The following NLK variants were observed in gnomAD, a reference collection of about 807,000 sequenced individuals.
NLK encodes the protein nemo like kinase.
In NLK, 11 loss-of-function variants were observed where a neutral mutation model predicts 59.0. The observed-to-expected ratio is 0.19, with a 90% confidence interval of 0.12 to 0.31. The LOEUF (loss-of-function observed/expected upper bound fraction) is 0.31. NLK is among the 10% of genes least tolerant of loss of function. The probability of loss-of-function intolerance (pLI) is 1.00; values close to 1 mark genes in which losing one functional copy is unlikely to be tolerated. For missense variants in NLK, 410 were observed against 661.1 expected, an observed-to-expected ratio of 0.62 and a Z score of 4.16; for synonymous variants, 235 against 235.9, an observed-to-expected ratio of 1.00 and a Z score of 0.03.
chr17:28,055,154 G>C (rs147734675), intron 1 of NLK, among the ~76,000 whole-genome samples: 1 of 148,812 alleles, frequency 6.7e-6, no homozygotes, highest in Non-Finnish European at 1.5e-5. Flanking sequence ...GTGCAGTGGC[G>C]TGATCTTGGC....
chr17:28,188,803 G>A (rs1909210033), intron 8 of NLK, among the ~76,000 whole-genome samples: 1 of 152,158 alleles, frequency 6.6e-6, no homozygotes, highest in Non-Finnish European at 1.5e-5. Flanking sequence ...AATTAAATCA[G>A]TGTATTTATT....
chr17:28,073,906 G>A (rs1910089608), intron 1 of NLK, among the ~76,000 whole-genome samples: 1 of 152,102 alleles, frequency 6.6e-6, no homozygotes, highest in African/African-American at 2.4e-5. Context: ...TATGTTCCTA[G>A]CATGTAATAT....
At chr17:28,063,067 G>C (rs1239035717) in intron 1 of NLK, among the ~76,000 whole-genome samples, 1 of 152,058 alleles carries the variant, frequency 6.6e-6, no homozygotes, top group Non-Finnish European at 1.5e-5. Context: ...AAGTAGCTGG[G>C]ACTATAGGCG....
intron 3 of NLK, among the ~76,000 whole-genome samples, chr17:28,155,365 AGT>A (rs1907658881): frequency 6.6e-6 from 1 of 152,234 alleles, no homozygotes; most frequent in Non-Finnish European, 1.5e-5. Flanking sequence ...TGTGGAAGAC[AGT>A]GTGGCGATTC....
intron 1 of NLK, among the ~76,000 whole-genome samples, chr17:28,055,811 A>G (rs1909421504): frequency 6.6e-6 from 1 of 152,212 alleles, no homozygotes; most frequent in South Asian, 2.1e-4. Context: ...CTTTTGTGTG[A>G]TGGTTGACAG....
chr17:28,129,716 C>G (rs1327940988), intron 2 of NLK, among the ~76,000 whole-genome samples: 4 of 151,916 alleles, frequency 2.6e-5, no homozygotes, highest in Non-Finnish European at 5.9e-5. Context: ...TATTCTTATT[C>G]TTGTCTTTGA....
At chr17:28,104,357 C>T (rs1905002605) in intron 1 of NLK, among the ~76,000 whole-genome samples, 1 of 151,932 alleles carries the variant, frequency 6.6e-6, no homozygotes, top group Non-Finnish European at 1.5e-5. Flanking sequence ...CGGGTTCAAG[C>T]GAATTCTCCT....
intron 1 of NLK, among the ~76,000 whole-genome samples, chr17:28,110,955 C>A (rs1905444997): frequency 6.6e-6 from 1 of 150,850 alleles, no homozygotes; most frequent in Non-Finnish European, 1.5e-5. Flanking sequence ...CGCCATTCTC[C>A]TGCCTCAGCC....
At chr17:28,163,714 A>G (rs1908105974) in intron 5 of NLK, 86 bp downstream of exon 5, 1 of 798,188 alleles carries the variant, frequency 1.3e-6, no homozygotes, top group Middle Eastern at 2.5e-4. Context: ...GAAAGAAAGA[A>G]GTTCATTTCC....
chr17:28,144,633 A>G (rs1907164056), intron 3 of NLK, among the ~76,000 whole-genome samples: 2 of 152,240 alleles, frequency 1.3e-5, no homozygotes, highest in African/African-American at 4.8e-5. Context: ...CCTTCTGATT[A>G]TTAACCTCTT....
At chr17:28,143,483 G>C (rs544402872) in intron 3 of NLK, among the ~76,000 whole-genome samples, 4 of 152,180 alleles carry the variant, frequency 2.6e-5, no homozygotes, top group Non-Finnish European at 5.9e-5. Flanking sequence ...AAAAAAGAAT[G>C]ATTAAGTTTC....
Position 28,042,991 on chromosome 17 carries a change from C to T in NLK, c.118C>T (p.Pro40Ser), listed in dbSNP as rs1377209576. The T allele has an allele frequency of 2.6e-6, 4 of 1,557,058 alleles. No homozygotes were observed. The highest frequency in any genetic ancestry group is 3.5e-6 in the Non-Finnish European group (4 of 1,149,822). Residue 40 changes from proline to serine, a missense_variant, in exon 1 of 11, where the codon CCT (proline) becomes TCT (serine). Physicochemically the swap from Pro to Ser is moderately conservative, Grantham distance 74. Coordinates refer to ENST00000407008, the MANE Select transcript of NLK (RefSeq NM_016231.5). Reference sequence around the variant, plus strand: ...TCACCACCACCTTCCACACCTCCCTCCTCCTCACCTGCACCACCACCACCA... The same window carrying T: ...TCACCACCACCTTCCACACCTCCCTTCTCCTCACCTGCACCACCACCACCA... ...HHHHHLPHLP[P>S]PHLHHHHHPQ... is the part of the protein sequence containing the mutation.
chr17:28,088,498 C>A (rs1029892934), intron 1 of NLK, among the ~76,000 whole-genome samples: 16 of 152,054 alleles, frequency 1.1e-4, no homozygotes, highest in African/African-American at 3.9e-4. Context: ...TTGCTTTATT[C>A]ATTTTCAAAA....
chr17:28,124,068 A>G (rs922521293), intron 2 of NLK, among the ~76,000 whole-genome samples: 1 of 152,246 alleles, frequency 6.6e-6, no homozygotes, highest in Non-Finnish European at 1.5e-5. Flanking sequence ...AACTGGGAGT[A>G]CTAAACTTAC....
intron 10 of NLK, among the ~76,000 whole-genome samples, chr17:28,192,759 T>C (rs2142075116): frequency 6.6e-6 from 1 of 152,306 alleles, no homozygotes; most frequent in East Asian, 1.9e-4. Context: ...CGGATGACCA[T>C]TGTGCTGCCT....
chr17:28,078,502 C>T lies in NLK; in HGVS notation c.458+35171C>T, dbSNP rs532944391. Among the ~76,000 whole-genome samples, 84 of 152,200 alleles carry T rather than the reference C, an allele frequency of 5.5e-4. 1 individual carries two copies. The highest frequency in any genetic ancestry group is 1.7e-3 in the African/African-American group (71 of 41,554). ...CCCAGGAAATTGTTGAAGACTTTGT[C>T]GGGGGTCATTCCATCTGTGGCACCA... On this transcript the variant is annotated intron_variant, in intron 1 of 10. Transcript: ENST00000407008.
At chr17:28,128,547 A>G (rs1906382820) in intron 2 of NLK, among the ~76,000 whole-genome samples, 1 of 152,224 alleles carries the variant, frequency 6.6e-6, no homozygotes, top group Non-Finnish European at 1.5e-5. Flanking sequence ...AGAGGATAAC[A>G]TATCAAAGTG....
At chr17:28,115,137 A>G (rs1391283518) in intron 1 of NLK, among the ~76,000 whole-genome samples, 1 of 152,206 alleles carries the variant, frequency 6.6e-6, no homozygotes, top group Non-Finnish European at 1.5e-5. Context: ...AGCTACTGCT[A>G]TAAGAAGGTA....
At chr17:28,192,250 A>G (rs1196127029) in intron 10 of NLK, 37 bp downstream of exon 10, 2 of 1,075,042 alleles carry the variant, frequency 1.9e-6, no homozygotes, top group Non-Finnish European at 2.8e-6. Flanking sequence ...TCTTGTTAGA[A>G]TTAAAAGGAT....
Sources: allele counts gnomAD v4.1 joint callset (sites outside exome capture counted in the v4.1 genomes callset), GRCh38; gene constraint gnomAD v4.1.1; transcripts MANE v1.5; gene names NCBI Gene and HGNC (gene_info 2026-07-23, HGNC 2026-07-21).